The following NODAL variants were observed in gnomAD, a reference collection of about 807,000 sequenced individuals.
NODAL encodes nodal homolog.
A neutral mutation model predicts 34.0 loss-of-function variants in NODAL; 12 were observed. The ratio of observed to expected loss-of-function variants is 0.35; its 90% CI spans 0.23 to 0.57. The LOEUF (loss-of-function observed/expected upper bound fraction) is 0.57, where lower values mean the gene tolerates loss of function less well. NODAL is among the 20% of genes least tolerant of loss of function. The probability of loss-of-function intolerance (pLI) is 0.83; values close to 1 mark genes in which losing one functional copy is unlikely to be tolerated. For missense variants in NODAL, 390 were observed against 444.2 expected, an observed-to-expected ratio of 0.88 and a Z score of 1.10; for synonymous variants, 162 against 186.4, an observed-to-expected ratio of 0.87 and a Z score of 1.07.
chr10:70,441,568 G>GC lies in NODAL; in HGVS notation c.99dup (p.Gln34AlafsTer45). ...GCCAGAGGGGATGGCGACGAGGGCT[G>GC]CCCCCGCGTACGCAGGAGCGCAGTG... is the stretch of plus-strand genomic sequence containing the variant. On this transcript the variant is annotated frameshift_variant, in exon 1 of 3. Transcript: ENST00000287139. LOFTEE classifies it high-confidence loss of function. The GC allele has an allele frequency of 6.3e-7, 1 of 1,576,006 alleles. No homozygotes were observed. The highest frequency in any genetic ancestry group is 8.6e-7 in the Non-Finnish European group (1 of 1,162,688).
chr10:70,435,712 C>T lies in NODAL; in HGVS notation c.465G>A (p.Val155=). ...TCAGCCACTTGGAGAGAGGCCTGGTCACCTCCAAAACCATGCTGCCCAAGG... is the reference window on the plus strand; with the variant it reads ...TCAGCCACTTGGAGAGAGGCCTGGTTACCTCCAAAACCATGCTGCCCAAGG... ...TFSLGSMVLE[V]TRPLSKWLKH... is the part of the protein sequence containing the mutation. Residue 155 remains valine, a synonymous_variant, in exon 2 of 3, where the codon GTG becomes GTA. Transcript: ENST00000287139. The T allele has an allele frequency of 1.2e-6, 2 of 1,614,154 alleles. No homozygotes were observed. Among genetic ancestry groups the T allele is most frequent in the South Asian group, 1.1e-5 (1 of 91,064 alleles).
chr10:70,437,715 G>A (rs1211045266), intron 1 of NODAL, among the ~76,000 whole-genome samples: 1 of 152,140 alleles, frequency 6.6e-6, no homozygotes, highest in Non-Finnish European at 1.5e-5. Flanking sequence ...TGACTGTCTC[G>A]TTGAGCATCT....
At chr10:70,435,175 G>C (rs143060940) in intron 2 of NODAL, 111 bp downstream of exon 2, 1 of 936,266 alleles carries the variant, frequency 1.1e-6, no homozygotes, top group Non-Finnish European at 1.6e-6. Flanking sequence ...TACATTGGAG[G>C]TGCTTGAGTA....
In NODAL at chr10:70,432,562, A is replaced by G. The variant is rs1486029083; in HGVS notation, c.*374T>C. The stretch of plus-strand genomic sequence containing the variant: ...TGAAAGCTATAGGTGACTTCATCCC[A>G]CCTCCAAAATACATGCACATATGTC... On this transcript the variant is annotated 3_prime_UTR_variant, in exon 3 of 3. Coordinates refer to ENST00000287139, the MANE Select transcript of NODAL (RefSeq NM_018055.5). 2 of 344,848 alleles carry G rather than the reference A, an allele frequency of 5.8e-6. No homozygotes were observed. Among genetic ancestry groups the G allele is most frequent in the Non-Finnish European group, 5.7e-6 (1 of 176,824 alleles). The allele number at this position is 344,848 out of a possible 1,614,324, so 21.4% of individuals were successfully genotyped here.
chr10:70,438,657 G>C (rs1335590782), intron 1 of NODAL, among the ~76,000 whole-genome samples: 2 of 152,192 alleles, frequency 1.3e-5, no homozygotes, highest in Non-Finnish European at 2.9e-5. Context: ...GGGGTGCAAA[G>C]TTTCCTATGA....
chr10:70,440,999 T>C (rs1845423828), intron 1 of NODAL, among the ~76,000 whole-genome samples: 1 of 152,242 alleles, frequency 6.6e-6, no homozygotes, highest in South Asian at 2.1e-4. Context: ...CCGTTGACTG[T>C]GGCTGTGCCG....
At chr10:70,439,180 T>C (rs925292027) in intron 1 of NODAL, among the ~76,000 whole-genome samples, 4 of 152,198 alleles carry the variant, frequency 2.6e-5, no homozygotes, top group African/African-American at 4.8e-5. Context: ...AATTTTTGTA[T>C]TTTTAGTAGA....
upstream of NODAL, among the ~76,000 whole-genome samples, chr10:70,442,343 C>T (rs1320436069): frequency 2.0e-5 from 3 of 152,252 alleles, no homozygotes; most frequent in Admixed American, 1.3e-4. Context: ...GTTCATCAGG[C>T]TCTTCCCCGA....
rs374758713 is a variant in NODAL, at chr10:70,436,155, T to A, written c.194-172A>T. The A allele has an allele frequency of 2.4e-4, 158 of 658,978 alleles. 2 individuals carry two copies. The East Asian group carries it at 3.0e-3, about 12-fold the overall frequency. 40.8% of individuals were successfully genotyped at this position (658,978 alleles called of 1,614,324 possible). A position where few individuals can be genotyped will look rare whatever the true frequency, so the allele number is the denominator to read the frequency against. Reference sequence around the variant, plus strand: ...AAGATTTTCGAGTCCCTTTTAGAGATGAGGAAAACTGAGGCTCAGTGTGGT... The same window carrying A: ...AAGATTTTCGAGTCCCTTTTAGAGAAGAGGAAAACTGAGGCTCAGTGTGGT... On this transcript the variant is annotated intron_variant, in intron 1 of 2. Transcript: ENST00000287139.
At chr10:70,442,655 T>TC (rs1380430008), upstream of NODAL, among the ~76,000 whole-genome samples, 1 of 151,904 alleles carries the variant, frequency 6.6e-6, no homozygotes, top group Non-Finnish European at 1.5e-5. Context: ...TCTTCTTAGC[T>TC]CCCCCCACCT....
rs1298590689 is a variant in NODAL, at chr10:70,435,462, G to C, written c.715C>G (p.His239Asp). ...WEWGKRHRRHHLPDRSQLCRK... is the reference protein window; with the variant it reads ...WEWGKRHRRHDLPDRSQLCRK... ...CACAGTTGACTTCTGTCTGGCAAGT[G>C]ATGTCGACGGTGCCTCTTGCCCCAC... is the stretch of plus-strand genomic sequence containing the variant. The change falls in exon 2 of 3, where the codon CAC becomes GAC. Residue 239 changes from histidine (H) to aspartate (D), a missense_variant. By Grantham distance (81) the His-to-Asp change is moderately conservative. Transcript: ENST00000287139. The C allele has an allele frequency of 6.2e-7, 1 of 1,614,218 alleles. No individual in the cohort carries two copies. The highest frequency in any genetic ancestry group is 1.1e-5 in the South Asian group (1 of 91,084).
At chr10:70,438,825 T>C (rs994599335) in intron 1 of NODAL, among the ~76,000 whole-genome samples, 2 of 152,206 alleles carry the variant, frequency 1.3e-5, no homozygotes, top group Non-Finnish European at 2.9e-5. Context: ...GTTCTAATAT[T>C]GTGGGTGTCA....
chr10:70,435,292 G>A lies in NODAL; in HGVS notation c.885C>T (p.Tyr295=). The A allele has an allele frequency of 1.9e-6, 3 of 1,609,464 alleles. No individual in the cohort carries two copies. The highest frequency in any genetic ancestry group is 1.7e-6 in the Non-Finnish European group (2 of 1,177,764). ...CTCACGCCTGGCATCCCACCTGGAT[G>A]TATGCATGGTTGGTCGGATGAAACT... ...GEEFHPTNHA[Y]IQSLLKRYQP... Residue 295 remains tyrosine, a synonymous_variant, in exon 2 of 3, where the codon TAC becomes TAT. Transcript: ENST00000287139.
At chr10:70,437,991 T>TA (rs149395645) in intron 1 of NODAL, among the ~76,000 whole-genome samples, 1 of 152,074 alleles carries the variant, frequency 6.6e-6, no homozygotes, top group Non-Finnish European at 1.5e-5. Context: ...GCGGTGAGTT[T>TA]AAAAACACTT....
Position 70,434,488 on chromosome 10 carries a change from G to A in NODAL, c.891+798C>T, listed in dbSNP as rs369734657. Among the ~76,000 whole-genome samples the A allele has an allele frequency of 9.5e-4, 145 of 152,250 alleles. 1 individual carries two copies. The South Asian group carries it at 0.028, about 29-fold the overall frequency. On this transcript the variant is annotated intron_variant, in intron 2 of 2. Coordinates refer to ENST00000287139, the MANE Select transcript of NODAL (RefSeq NM_018055.5). The stretch of plus-strand genomic sequence containing the variant: ...AGTGATTCTCCTGCCTCAGCCTCCC[G>A]AGTAGCTGGGATTACAGGCATGTGC...
At chr10:70,442,077 C>T (rs1363016466), upstream of NODAL, among the ~76,000 whole-genome samples, 1 of 152,224 alleles carries the variant, frequency 6.6e-6, no homozygotes, top group Non-Finnish European at 1.5e-5. Context: ...AAATGGACCG[C>T]AGGCTCCTCA....
At chr10:70,434,973 G>T (rs10999333) in intron 2 of NODAL, 2 of 348,578 alleles carry the variant, frequency 5.7e-6, no homozygotes, top group African/African-American at 4.1e-5. Context: ...TCCTTTCCTA[G>T]AATGTCAGGG....
chr10:70,441,670 T>G lies in NODAL; in HGVS notation c.-3A>C. ...AAGGGCAGGCAGTGGGCGTGCATGG[T>G]GGGCTGGCCAGGCCTGAAAGCAGCA... On this transcript the variant is annotated 5_prime_UTR_variant, in exon 1 of 3. Coordinates refer to ENST00000287139, the MANE Select transcript of NODAL (RefSeq NM_018055.5). 6.5e-7 allele frequency: 1 copy of G among 1,549,040 alleles called. No homozygotes were observed. The highest frequency in any genetic ancestry group is 8.7e-7 in the Non-Finnish European group (1 of 1,147,016).
At chr10:70,444,416 A>C (rs973300544), upstream of NODAL, among the ~76,000 whole-genome samples, 3 of 149,098 alleles carry the variant, frequency 2.0e-5, no homozygotes, top group African/African-American at 7.5e-5. Flanking sequence ...TGCAGCCTCT[A>C]CCTCCTGGGT....
Sources: allele counts gnomAD v4.1 joint callset (sites outside exome capture counted in the v4.1 genomes callset), GRCh38; gene constraint gnomAD v4.1.1; transcripts MANE v1.5; gene names NCBI Gene and HGNC (gene_info 2026-07-23, HGNC 2026-07-21).